The following RERE variants were observed in gnomAD, a reference collection of about 807,000 sequenced individuals.
The protein encoded by RERE is arginine-glutamic acid dipeptide repeats.
A neutral mutation model predicts 146.1 loss-of-function variants in RERE; 40 were observed. The observed-to-expected ratio is 0.27, with a 90% CI of 0.21 to 0.36. RERE has a LOEUF of 0.36. Among genes scored for constraint, RERE ranks in the 10% least tolerant of loss-of-function variants. The probability of loss-of-function intolerance (pLI) is 1.00; values close to 1 mark genes in which losing one functional copy is unlikely to be tolerated. For missense variants in RERE, 1,933 were observed against 2,138.7 expected (o/e 0.90, Z 1.90); for synonymous variants, 1,003 against 866.0 (o/e 1.16, Z -2.78).
At chr1:8,464,569 G>C (rs999083982) in intron 11 of RERE, among the ~76,000 whole-genome samples, 1 of 152,146 alleles carries the variant, frequency 6.6e-6, no homozygotes, top group African/African-American at 2.4e-5. Flanking sequence ...GGTCACACCT[G>C]ATCTGCTCCC....
intron 7 of RERE, chr1:8,525,695 C>T (rs1645561999): frequency 5.3e-6 from 8 of 1,495,530 alleles, no homozygotes; most frequent in Non-Finnish European, 7.2e-6. Context: ...TAAACACCTT[C>T]AGAAGTGAGA....
intron 4 of RERE, among the ~76,000 whole-genome samples, chr1:8,608,182 C>T (rs1292525636): frequency 2.0e-5 from 3 of 152,104 alleles, no homozygotes; most frequent in Admixed American, 2.0e-4. Flanking sequence ...AGCCACCACA[C>T]CCAGCTGTTC....
intron 8 of RERE, among the ~76,000 whole-genome samples, chr1:8,504,291 A>G (rs1645219888): frequency 6.6e-6 from 1 of 152,238 alleles, no homozygotes; most frequent in South Asian, 2.1e-4. Context: ...ATGTCTTACT[A>G]GAGAAAAACG....
Position 8,358,791 on chromosome 1 carries a change from G to C in RERE, c.3744C>G (p.Pro1248=). The C allele has an allele frequency of 6.2e-7, 1 of 1,612,690 alleles. No individual in the cohort carries two copies. Among genetic ancestry groups the C allele is most frequent in the Non-Finnish European group, 8.5e-7 (1 of 1,179,322 alleles). ...TIAAVPPYIG[P]DTPALRTLSE... is the part of the protein sequence containing the mutation. ...TCAGAGTCCGAAGGGCAGGTGTGTCGGGCCCGATGTAGGGGGGCACAGCAG... is the reference window on the plus strand; with the variant it reads ...TCAGAGTCCGAAGGGCAGGTGTGTCCGGCCCGATGTAGGGGGGCACAGCAG... Residue 1248 remains proline, a synonymous_variant, in exon 20 of 23, where the codon CCC becomes CCG. Transcript: ENST00000400908.
At chr1:8,700,630 G>A (rs1224511708) in intron 1 of RERE, among the ~76,000 whole-genome samples, 1 of 152,154 alleles carries the variant, frequency 6.6e-6, no homozygotes, top group Non-Finnish European at 1.5e-5. Flanking sequence ...TTTGTACAAT[G>A]TAACGAGAGG....
chr1:8,419,829 CT>C, intron 12 of RERE, among the ~76,000 whole-genome samples: 1 of 152,332 alleles, frequency 6.6e-6, no homozygotes, highest in South Asian at 2.1e-4. Flanking sequence ...AGAATCATCA[CT>C]TCGTTCTCAG....
At chr1:8,768,307 A>C (rs1640885163) in intron 1 of RERE, among the ~76,000 whole-genome samples, 1 of 152,200 alleles carries the variant, frequency 6.6e-6, no homozygotes, top group East Asian at 1.9e-4. Flanking sequence ...CCATGGAAAA[A>C]CATTCTTTCC....
At chr1:8,359,604 C>T (rs1438077023) in intron 19 of RERE, among the ~76,000 whole-genome samples, 160 bp downstream of exon 19, 1 of 152,230 alleles carries the variant, frequency 6.6e-6, no homozygotes, top group African/African-American at 2.4e-5. Flanking sequence ...ATGTGCAGCA[C>T]CCGTCAGAGG....
At chr1:8,392,363 C>A (rs553902827) in intron 12 of RERE, among the ~76,000 whole-genome samples, 2 of 152,238 alleles carry the variant, frequency 1.3e-5, no homozygotes, top group South Asian at 2.1e-4. Flanking sequence ...TAAAAAAATC[C>A]TTTTATGCTT....
chr1:8,605,064 C>CT (rs1205540400), intron 4 of RERE, among the ~76,000 whole-genome samples: 1 of 152,232 alleles, frequency 6.6e-6, no homozygotes, highest in Non-Finnish European at 1.5e-5. Context: ...AACAATGTCT[C>CT]TAACTAATTT....
chr1:8,485,344 A>ACAG (rs1317549249), intron 10 of RERE, among the ~76,000 whole-genome samples: 2 of 152,130 alleles, frequency 1.3e-5, no homozygotes, highest in African/African-American at 4.8e-5. Context: ...CTGGGGAACA[A>ACAG]CAGCGAAACT....
chr1:8,394,135 T>C (rs779282451), intron 12 of RERE, among the ~76,000 whole-genome samples: 13 of 152,188 alleles, frequency 8.5e-5, no homozygotes, highest in Non-Finnish European at 2.9e-5. Flanking sequence ...TTCTTGACAT[T>C]CTATAATCCC....
At chr1:8,501,850 C>T (rs1324558160) in intron 8 of RERE, among the ~76,000 whole-genome samples, 1 of 128,748 alleles carries the variant, frequency 7.8e-6, no homozygotes, top group African/African-American at 3.0e-5. Context: ...GTGAGGACCC[C>T]TCTGCCCGGC....
chr1:8,575,970 C>CTAAGTATATATAACTAAGTATAT (rs1431207965), intron 4 of RERE, among the ~76,000 whole-genome samples: 1 of 152,084 alleles, frequency 6.6e-6, no homozygotes, highest in Non-Finnish European at 1.5e-5. Context: ...ATTAAAGAAA[C>CTAAGTATATATAACTAAGTATAT]ATAACTAAGT....
At chr1:8,698,841 T>C (rs546390724) in intron 1 of RERE, among the ~76,000 whole-genome samples, 2 of 152,254 alleles carry the variant, frequency 1.3e-5, no homozygotes, top group South Asian at 2.1e-4. Context: ...TTTATAATGA[T>C]CTCCCATACT....
chr1:8,423,585 G>C lies in RERE; in HGVS notation c.1204-778C>G. 1.0e-6 allele frequency: 1 copy of C among 985,224 alleles called. No homozygotes were observed. Among genetic ancestry groups the C allele is most frequent in the Non-Finnish European group, 1.2e-6 (1 of 829,890 alleles). 61.0% of individuals were successfully genotyped at this position (985,224 alleles called of 1,614,324 possible). A position where few individuals can be genotyped will look rare whatever the true frequency, so the allele number is the denominator to read the frequency against. On this transcript the variant is annotated intron_variant, in intron 11 of 22. Transcript: ENST00000400908. The surrounding 1 kb of genome is among the most constrained non-coding windows in gnomAD (Gnocchi z 5.4). ...CCTCGGGGCTCCCAGCCTGGTCCCG[G>C]GCGGCCGACCCCAGCAGCCACAGGT...
intron 1 of RERE, among the ~76,000 whole-genome samples, chr1:8,726,068 C>T (rs576647962): frequency 1.3e-5 from 2 of 151,450 alleles, no homozygotes; most frequent in African/African-American, 4.8e-5. Context: ...TCACTTAATG[C>T]TCCACAAATG....
At position 8,656,576 on chromosome 1, in the gene RERE, T is replaced by C. The variant is rs563457464; in HGVS notation, c.-144-135A>G. The C allele has an allele frequency of 1.3e-4, 47 of 365,040 alleles. No homozygotes were observed. In the East Asian group the frequency reaches 1.9e-3, roughly 15 times the overall value. 22.6% of individuals were successfully genotyped at this position (365,040 alleles called of 1,614,324 possible). The stretch of plus-strand genomic sequence containing the variant: ...CACAAGCCACAGGAGAAAAATTAAG[T>C]GTTAAAATTTAAAAACTACAGTTTT... On this transcript the variant is annotated intron_variant, in intron 1 of 22. Coordinates refer to ENST00000400908, the MANE Select transcript of RERE (RefSeq NM_001042681.2).
chr1:8,453,532 A>G (rs991719915), intron 11 of RERE, among the ~76,000 whole-genome samples: 2 of 152,182 alleles, frequency 1.3e-5, no homozygotes, highest in African/African-American at 4.8e-5. Flanking sequence ...TAGGCCGGGC[A>G]TGGCGGCTCA....
Sources: allele counts gnomAD v4.1 joint callset (sites outside exome capture counted in the v4.1 genomes callset), GRCh38; gene constraint gnomAD v4.1.1; non-coding constraint Gnocchi (gnomAD v3.1); transcripts MANE v1.5; gene names NCBI Gene and HGNC (gene_info 2026-07-23, HGNC 2026-07-21).